B3GALT6: variants seen among roughly 807,000 people sequenced by gnomAD.
B3GALT6 encodes the protein GAG GalTII.
In B3GALT6, 27 loss-of-function variants were observed where a neutral mutation model predicts 23.3. The observed-to-expected ratio is 1.16, with a 90% CI of 0.85 to 1.60. The LOEUF (loss-of-function observed/expected upper bound fraction) is 1.60. Among genes scored for constraint, B3GALT6 ranks in the 40% most tolerant of loss-of-function variants. The pLI is 0.00. For missense variants in B3GALT6, 554 were observed against 471.1 expected, an observed-to-expected ratio of 1.18 and a Z score of -1.63; for synonymous variants, 313 against 232.3, an observed-to-expected ratio of 1.35 and a Z score of -3.16.
rs1015976297 is a variant in B3GALT6 at position 1,232,839 on chromosome 1, G to A, written c.561G>A (p.Ser187=). 4 of 1,465,658 alleles carry A rather than the reference G, an allele frequency of 2.7e-6. No individual in the cohort carries two copies. The highest frequency in any genetic ancestry group is 1.5e-5 in the African/African-American group (1 of 67,484). The allele number at this position is 1,465,658 out of a possible 1,614,324, so 90.8% of individuals were successfully genotyped here. A position where few individuals can be genotyped will look rare whatever the true frequency, so the allele number is the denominator to read the frequency against. ...RRRRLYWGFF[S]GRGRVKPGGR... The stretch of plus-strand genomic sequence containing the variant: ...GCCGCCTCTACTGGGGCTTCTTCTC[G>A]GGCCGCGGCCGCGTCAAGCCGGGGG... The change falls in exon 1 of 1, where the codon TCG becomes TCA. Residue 187 remains serine (S), a synonymous_variant. Transcript: ENST00000379198.
At position 1,233,267 on chromosome 1, in the gene B3GALT6, G is replaced by C. The variant is rs1285145259; in HGVS notation, c.989G>C (p.Ter330SerextTer73). 9 of 1,452,274 alleles carry C rather than the reference G, an allele frequency of 6.2e-6. No homozygotes were observed. Among genetic ancestry groups the C allele is most frequent in the African/African-American group, 1.5e-5 (1 of 68,498 alleles). 90.0% of individuals were successfully genotyped at this position (1,452,274 alleles called of 1,614,324 possible). Residue 330 changes from the stop codon to serine, a stop_lost, in exon 1 of 1, where the codon TGA becomes TCA. Transcript: ENST00000379198. Reference protein sequence around the residue: ...QCCQRREGIP* With the variant: ...QCCQRREGIPS ...TGCCAGAGAAGGGAGGGCATCCCCT[G>C]AGCCGCCGCGGCCCGGCCCTCCGGG...
Position 1,233,425 on chromosome 1 carries a change from G to C in B3GALT6, c.*157G>C. 1 of 1,029,180 alleles carries C rather than the reference G, an allele frequency of 9.7e-7. No individual in the cohort carries two copies. The highest frequency in any genetic ancestry group is 1.3e-6 in the Non-Finnish European group (1 of 767,554). 63.8% of individuals were successfully genotyped at this position (1,029,180 alleles called of 1,614,324 possible). ...GTCTGCGTTTGGGAGACCCCTGGGG[G>C]TTGCCGGGGCAGCGCGCCGTGTCCA... On this transcript the variant is annotated 3_prime_UTR_variant, in exon 1 of 1. Coordinates refer to ENST00000379198, the MANE Select transcript of B3GALT6 (RefSeq NM_080605.4).
At position 1,233,468 on chromosome 1, in the gene B3GALT6, C is replaced by T; in HGVS notation, c.*200C>T. On this transcript the variant is annotated 3_prime_UTR_variant, in exon 1 of 1. Coordinates refer to ENST00000379198, the MANE Select transcript of B3GALT6 (RefSeq NM_080605.4). Reference sequence around the variant, plus strand: ...CGTGTCCAGGTGGAGGTGCCCGTTCCTGGACCTCAGCGAGCCTGAGCCGGG... The same window carrying T: ...CGTGTCCAGGTGGAGGTGCCCGTTCTTGGACCTCAGCGAGCCTGAGCCGGG... The T allele has an allele frequency of 1.5e-6, 1 of 668,940 alleles. No individual in the cohort carries two copies. The highest frequency in any genetic ancestry group is 2.2e-6 in the Non-Finnish European group (1 of 446,970). The allele number at this position is 668,940 out of a possible 1,614,324, so 41.4% of individuals were successfully genotyped here.
rs1327116203 is a variant in B3GALT6, at chr1:1,232,527, G to T, written c.249G>T (p.Arg83=). The change falls in exon 1 of 1, where the codon CGG becomes CGT. Residue 83 remains arginine (R), a synonymous_variant. Coordinates refer to ENST00000379198, the MANE Select transcript of B3GALT6 (RefSeq NM_080605.4). ...TGATCCGCAGCACGTGGCTTGCGCG[G>T]CGCGGGGCCCCGGGCGACGTGTGGG... ...RSVIRSTWLA[R]RGAPGDVWAR... 3.5e-6 allele frequency: 4 copies of T among 1,137,384 alleles called. No individual in the cohort carries two copies. The highest frequency in any genetic ancestry group is 4.3e-6 in the Non-Finnish European group (4 of 928,516). The allele number at this position is 1,137,384 out of a possible 1,614,324, so 70.5% of individuals were successfully genotyped here.
Position 1,232,469 on chromosome 1 carries a change from C to G in B3GALT6, c.191C>G (p.Ala64Gly). The G allele has an allele frequency of 9.9e-7, 1 of 1,010,964 alleles. No individual in the cohort carries two copies. 62.6% of individuals were successfully genotyped at this position (1,010,964 alleles called of 1,614,324 possible). ...GCCGCCTTCCTGGCAGTGCTGGTGG[C>G]CAGCGCGCCCCGCGCCGCCGAGCGC... ...RAAAFLAVLV[A>G]SAPRAAERRS... The change falls in exon 1 of 1, where the codon GCC becomes GGC. Residue 64 changes from alanine (A) to glycine (G), a missense_variant. Transcript: ENST00000379198.
In B3GALT6 at chr1:1,233,176, T is replaced by TGCAA. The variant is rs1329926209; in HGVS notation, c.901_904dup (p.Arg302GlnfsTer142). 9.1e-6 allele frequency: 14 copies of TGCAA among 1,544,998 alleles called. No homozygotes were observed. Among genetic ancestry groups the TGCAA allele is most frequent in the Admixed American group, 1.9e-5 (1 of 51,556 alleles). Reference sequence around the variant, plus strand: ...GACGCTGGCGCGCGAGGGCCGCCTGTGCAAGCGCGAGGTGCAGCTGCGCCT... The same window carrying TGCAA: ...GACGCTGGCGCGCGAGGGCCGCCTGTGCAAGCAAGCGCGAGGTGCAGCTGCGCCT... On this transcript the variant is annotated frameshift_variant, in exon 1 of 1. Transcript: ENST00000379198. LOFTEE classifies it high-confidence loss of function.
chr1:1,234,101 C>T lies in B3GALT6; in HGVS notation c.*833C>T, dbSNP rs979035698. On this transcript the variant is annotated 3_prime_UTR_variant, in exon 1 of 1. Transcript: ENST00000379198. ...GTACTTTAACACATCCTTGAAAGCC[C>T]CTCGTTTAATGAGAAAAGCGAACAC... 1 of 166,842 alleles carries T rather than the reference C, an allele frequency of 6.0e-6. No homozygotes were observed. Among genetic ancestry groups the T allele is most frequent in the East Asian group, 1.9e-4 (1 of 5,210 alleles). The allele number at this position is 166,842 out of a possible 1,614,324, so 10.3% of individuals were successfully genotyped here. A position where few individuals can be genotyped will look rare whatever the true frequency, so the allele number is the denominator to read the frequency against.
chr1:1,232,918 C>G lies in B3GALT6; in HGVS notation c.640C>G (p.Leu214Val), dbSNP rs1287673488. 1 of 1,568,192 alleles carries G rather than the reference C, an allele frequency of 6.4e-7. No individual in the cohort carries two copies. The highest frequency in any genetic ancestry group is 1.4e-5 in the African/African-American group (1 of 73,484). Reference sequence around the variant, plus strand: ...CTGCGACTACTACCTGCCCTACGCGCTGGGCGGCGGCTACGTGCTCTCGGC... The same window carrying G: ...CTGCGACTACTACCTGCCCTACGCGGTGGGCGGCGGCTACGTGCTCTCGGC... The part of the protein sequence containing the change: ...QLCDYYLPYA[L>V]GGGYVLSADL... The change falls in exon 1 of 1, where the codon CTG becomes GTG. Residue 214 changes from leucine to valine, a missense_variant. Coordinates refer to ENST00000379198, the MANE Select transcript of B3GALT6 (RefSeq NM_080605.4).
chr1:1,232,429 G>A lies in B3GALT6; in HGVS notation c.151G>A (p.Ala51Thr), dbSNP rs1409936842. 33 of 992,376 alleles carry A rather than the reference G, an allele frequency of 3.3e-5. No individual in the cohort carries two copies. The highest frequency in any genetic ancestry group is 3.9e-5 in the Non-Finnish European group (33 of 836,320). The allele number at this position is 992,376 out of a possible 1,614,324, so 61.5% of individuals were successfully genotyped here. A position where few individuals can be genotyped will look rare whatever the true frequency, so the allele number is the denominator to read the frequency against. Residue 51 changes from alanine to threonine, a missense_variant, in exon 1 of 1, where the codon GCG becomes ACG. Coordinates refer to ENST00000379198, the MANE Select transcript of B3GALT6 (RefSeq NM_080605.4). Reference protein sequence around the residue: ...AMSGRSPPPPAPARAAAFLAV... With the variant: ...AMSGRSPPPPTPARAAAFLAV... Reference sequence around the variant, plus strand: ...GTCGGGCCGCAGCCCGCCTCCCCCCGCGCCCGCGCGCGCCGCCGCCTTCCT... The same window carrying A: ...GTCGGGCCGCAGCCCGCCTCCCCCCACGCCCGCGCGCGCCGCCGCCTTCCT...
chr1:1,232,697 T>C lies in B3GALT6; in HGVS notation c.419T>C (p.Leu140Pro), dbSNP rs1299464685. The change falls in exon 1 of 1, where the codon CTG becomes CCG. Residue 140 changes from leucine (L) to proline (P), a missense_variant. Leu to Pro is a moderately conservative substitution (Grantham distance 98, BLOSUM62 -3). Transcript: ENST00000379198. ...CTCACGGCCAAGGTGCTGGCCATGC[T>C]GGCCTGGCTGGACGAGCACGTGGCC... ...ENLTAKVLAM[L>P]AWLDEHVAFE... The C allele has an allele frequency of 1.8e-5, 26 of 1,410,500 alleles. No homozygotes were observed. The highest frequency in any genetic ancestry group is 2.2e-5 in the Non-Finnish European group (24 of 1,081,716). The allele number at this position is 1,410,500 out of a possible 1,614,324, so 87.4% of individuals were successfully genotyped here.
At position 1,232,247 on chromosome 1, in the gene B3GALT6, C is replaced by T. The variant is rs1638526005; in HGVS notation, c.-32C>T. On this transcript the variant is annotated 5_prime_UTR_variant, in exon 1 of 1. Coordinates refer to ENST00000379198, the MANE Select transcript of B3GALT6 (RefSeq NM_080605.4). ...CGGCGGCGCCTGCGCACTCGCGAGT[C>T]CGGCCTGGGCCGCCGGCCCGGCGCG... The T allele has an allele frequency of 2.0e-6, 2 of 980,646 alleles. No individual in the cohort carries two copies. Among genetic ancestry groups the T allele is most frequent in the Non-Finnish European group, 2.4e-6 (2 of 828,152 alleles). 60.7% of individuals were successfully genotyped at this position (980,646 alleles called of 1,614,324 possible).
In B3GALT6 at chr1:1,234,602, T is replaced by A. The variant is rs1410012869; in HGVS notation, c.*1334T>A. The A allele has an allele frequency of 6.0e-6, 1 of 166,876 alleles. No homozygotes were observed. Among genetic ancestry groups the A allele is most frequent in the Non-Finnish European group, 1.5e-5 (1 of 68,154 alleles). 10.3% of individuals were successfully genotyped at this position (166,876 alleles called of 1,614,324 possible). ...CAGTTTGTTCTTGGACGAGGACTCG[T>A]GAGGATCGAGGGCTGGGGACCCCGG... is the stretch of plus-strand genomic sequence containing the variant. On this transcript the variant is annotated 3_prime_UTR_variant, in exon 1 of 1. Coordinates refer to ENST00000379198, the MANE Select transcript of B3GALT6 (RefSeq NM_080605.4).
Position 1,233,439 on chromosome 1 carries a change from G to A in B3GALT6, c.*171G>A, listed in dbSNP as rs980675978. ...GACCCCTGGGGGTTGCCGGGGCAGCGCGCCGTGTCCAGGTGGAGGTGCCCG... is the reference window on the plus strand; with the variant it reads ...GACCCCTGGGGGTTGCCGGGGCAGCACGCCGTGTCCAGGTGGAGGTGCCCG... On this transcript the variant is annotated 3_prime_UTR_variant, in exon 1 of 1. Coordinates refer to ENST00000379198, the MANE Select transcript of B3GALT6 (RefSeq NM_080605.4). The A allele has an allele frequency of 2.2e-6, 2 of 905,148 alleles. No homozygotes were observed. Among genetic ancestry groups the A allele is most frequent in the African/African-American group, 3.6e-5 (2 of 55,934 alleles). 56.1% of individuals were successfully genotyped at this position (905,148 alleles called of 1,614,324 possible). A position where few individuals can be genotyped will look rare whatever the true frequency, so the allele number is the denominator to read the frequency against.
chr1:1,232,650 G>C lies in B3GALT6; in HGVS notation c.372G>C (p.Ala124=), dbSNP rs758257378. ...ARHGDLLLLP[A]LRDAYENLTA... Reference sequence around the variant, plus strand: ...ACGGGGACCTGCTGCTGCTGCCCGCGCTGCGCGACGCCTACGAAAACCTCA... The same window carrying C: ...ACGGGGACCTGCTGCTGCTGCCCGCCCTGCGCGACGCCTACGAAAACCTCA... Residue 124 remains alanine, a synonymous_variant, in exon 1 of 1, where the codon GCG becomes GCC. Coordinates refer to ENST00000379198, the MANE Select transcript of B3GALT6 (RefSeq NM_080605.4). 3 of 1,302,158 alleles carry C rather than the reference G, an allele frequency of 2.3e-6. No individual in the cohort carries two copies. The South Asian group carries it at 7.2e-5, about 31-fold the overall frequency. 80.7% of individuals were successfully genotyped at this position (1,302,158 alleles called of 1,614,324 possible).
Position 1,233,655 on chromosome 1 carries a change from C to T in B3GALT6, c.*387C>T, listed in dbSNP as rs1638590405. On this transcript the variant is annotated 3_prime_UTR_variant, in exon 1 of 1. Transcript: ENST00000379198. ...TGGGATTTTGGTCTCTGTCCAGTGA[C>T]TTCGTGGTAAATGTAACTCAGTGTT... The T allele has an allele frequency of 9.3e-6, 2 of 215,326 alleles. No homozygotes were observed. Among genetic ancestry groups the T allele is most frequent in the Admixed American group, 6.1e-5 (1 of 16,526 alleles). The allele number at this position is 215,326 out of a possible 1,614,324, so 13.3% of individuals were successfully genotyped here.
chr1:1,232,567 G>A lies in B3GALT6; in HGVS notation c.289G>A (p.Gly97Ser), dbSNP rs1638541990. Residue 97 changes from glycine to serine, a missense_variant, in exon 1 of 1, where the codon GGC (glycine) becomes AGC (serine). By Grantham distance (56) the Gly-to-Ser change is moderately conservative. Transcript: ENST00000379198. ...CGACGTGTGGGCGCGCTTTGCCGTG[G>A]GCACGGCCGGCCTGGGCGCCGAGGA... ...PGDVWARFAV[G>S]TAGLGAEERR... 1.7e-6 allele frequency: 2 copies of A among 1,182,446 alleles called. No individual in the cohort carries two copies. Among genetic ancestry groups the A allele is most frequent in the Non-Finnish European group, 2.1e-6 (2 of 956,654 alleles). 73.2% of individuals were successfully genotyped at this position (1,182,446 alleles called of 1,614,324 possible).
Position 1,233,416 on chromosome 1 carries a change from C to A in B3GALT6, c.*148C>A. The A allele has an allele frequency of 1.8e-6, 2 of 1,096,400 alleles. No homozygotes were observed. The highest frequency in any genetic ancestry group is 1.2e-6 in the Non-Finnish European group (1 of 828,282). 67.9% of individuals were successfully genotyped at this position (1,096,400 alleles called of 1,614,324 possible). A position where few individuals can be genotyped will look rare whatever the true frequency, so the allele number is the denominator to read the frequency against. Reference sequence around the variant, plus strand: ...TGCGTCCCGGTCTGCGTTTGGGAGACCCCTGGGGGTTGCCGGGGCAGCGCG... The same window carrying A: ...TGCGTCCCGGTCTGCGTTTGGGAGAACCCTGGGGGTTGCCGGGGCAGCGCG... On this transcript the variant is annotated 3_prime_UTR_variant, in exon 1 of 1. Transcript: ENST00000379198.
chr1:1,232,609 C>A lies in B3GALT6; in HGVS notation c.331C>A (p.Arg111=). The change falls in exon 1 of 1, where the codon CGG becomes AGG. Residue 111 remains arginine, a synonymous_variant. Coordinates refer to ENST00000379198, the MANE Select transcript of B3GALT6 (RefSeq NM_080605.4). ...LGAEERRALE[R]EQARHGDLLL... ...CGCCGAGGAGCGGCGCGCCCTGGAG[C>A]GGGAGCAGGCGCGGCACGGGGACCT... 1 of 1,227,274 alleles carries A rather than the reference C, an allele frequency of 8.1e-7. No individual in the cohort carries two copies. Among genetic ancestry groups the A allele is most frequent in the East Asian group, 3.3e-5 (1 of 30,480 alleles). 76.0% of individuals were successfully genotyped at this position (1,227,274 alleles called of 1,614,324 possible). A position where few individuals can be genotyped will look rare whatever the true frequency, so the allele number is the denominator to read the frequency against.
At position 1,232,709 on chromosome 1, in the gene B3GALT6, A is replaced by G; in HGVS notation, c.431A>G (p.Asp144Gly). The G allele has an allele frequency of 1.4e-6, 2 of 1,426,734 alleles. No homozygotes were observed. Among genetic ancestry groups the G allele is most frequent in the Admixed American group, 2.6e-5 (1 of 38,026 alleles). 88.4% of individuals were successfully genotyped at this position (1,426,734 alleles called of 1,614,324 possible). Residue 144 changes from aspartate (D) to glycine (G), a missense_variant, in exon 1 of 1, where the codon GAC (aspartate) becomes GGC (glycine). Coordinates refer to ENST00000379198, the MANE Select transcript of B3GALT6 (RefSeq NM_080605.4). ...AKVLAMLAWL[D>G]EHVAFEFVLK... ...GTGCTGGCCATGCTGGCCTGGCTGG[A>G]CGAGCACGTGGCCTTCGAGTTCGTG...
Sources: gnomAD v4.1 joint callset for allele counts on GRCh38, gnomAD v4.1.1 for gene constraint, MANE v1.5 for transcripts, NCBI Gene and HGNC (gene_info 2026-07-23, HGNC 2026-07-21) for gene names.